RRM2: variants seen among roughly 807,000 people sequenced by gnomAD.
RRM2 encodes the protein ribonucleoside-diphosphate reductase subunit M2.
RRM2 carries 6 observed loss-of-function variants against 45.9 expected under a neutral mutation model. The ratio of observed to expected loss-of-function variants is 0.13; its 90% CI spans 0.07 to 0.26. The LOEUF (loss-of-function observed/expected upper bound fraction) is 0.26. Among genes scored for constraint, RRM2 ranks in the 10% least tolerant of loss-of-function variants. The probability of loss-of-function intolerance (pLI) is 1.00; values close to 1 mark genes in which losing one functional copy is unlikely to be tolerated. For missense variants in RRM2, 343 were observed against 489.5 expected (o/e 0.70, Z 2.82); for synonymous variants, 177 against 173.0 (o/e 1.02, Z -0.18).
In RRM2 at chr2:10,187,392, A is replaced by G. The variant is rs376939881; in HGVS notation, n.483-22919A>G. 3.9e-5 allele frequency among the ~76,000 whole-genome samples: 6 copies of G among 152,320 alleles called. No individual in the cohort carries two copies. The South Asian group carries it at 1.0e-3, about 26-fold the overall frequency. ...GGGAGCTGCATCAGGTGATGGTAAG[A>G]TACTACAGCCATTCTCCAACTGCAG... On this transcript the variant is annotated intron_variant and non_coding_transcript_variant, in intron 3 of 3. Transcript: ENST00000381786.
At position 10,129,248 on chromosome 2, in the gene RRM2, G is replaced by A. The variant is rs750203926; in HGVS notation, c.1032G>A (p.Glu344=). ...AACCTTTTCAGGTTTTCAGAGTAGA[G>A]AACCCATTTGACTTTATGGAGAATA... ...ELGFSKVFRV[E]NPFDFMENIS... is the part of the protein sequence containing the mutation. Residue 344 remains glutamate (E), a synonymous_variant, in exon 10 of 10, where the codon GAG becomes GAA. Transcript: ENST00000304567. The surrounding 1 kb of genome is among the most constrained non-coding windows in gnomAD (Gnocchi z 4.8). 1.9e-6 allele frequency: 3 copies of A among 1,613,944 alleles called. No individual in the cohort carries two copies. Among genetic ancestry groups the A allele is most frequent in the Non-Finnish European group, 2.5e-6 (3 of 1,179,968 alleles).
upstream of RRM2, among the ~76,000 whole-genome samples, chr2:10,137,235 A>T (rs1663003402): frequency 6.6e-6 from 1 of 152,192 alleles, no homozygotes; most frequent in African/African-American, 2.4e-5. Flanking sequence ...CACAAAGACC[A>T]GTGGGTGACC....
rs57947152 is a variant in RRM2, at chr2:10,184,739, A to G, written n.483-25572A>G. 7.7e-3 allele frequency among the ~76,000 whole-genome samples: 1,172 copies of G among 152,340 alleles called. 18 individuals are homozygous for G. Among genetic ancestry groups the G allele is most frequent in the African/African-American group, 0.027 (1,104 of 41,578 alleles). ...GCCCAGAATGGCCCTGAATCCAGTAACACCAACTGTCCCTGGAAGTGTCAC... is the reference window on the plus strand; with the variant it reads ...GCCCAGAATGGCCCTGAATCCAGTAGCACCAACTGTCCCTGGAAGTGTCAC... On this transcript the variant is annotated intron_variant and non_coding_transcript_variant, in intron 3 of 3. Coordinates refer to the RRM2 transcript ENST00000381786.
Position 10,127,291 on chromosome 2 carries a change from A to C in RRM2, c.798+71A>C. ...CTCGGGCATGCTCTTGTGTTCACTG[A>C]CGGGGACCTGAGATGCTAGATGGCA... On this transcript the variant is annotated intron_variant, in intron 7 of 9. Transcript: ENST00000304567. This position sits in a 1 kb window ranked among gnomAD's most constrained non-coding sequence, Gnocchi z 4.1. 1 of 1,517,580 alleles carries C rather than the reference A, an allele frequency of 6.6e-7. No individual in the cohort carries two copies. Among genetic ancestry groups the C allele is most frequent in the South Asian group, 1.1e-5 (1 of 87,178 alleles). The allele number at this position is 1,517,580 out of a possible 1,614,324, so 94.0% of individuals were successfully genotyped here.
intron 3 of RRM2, among the ~76,000 whole-genome samples, chr2:10,180,229 C>T (rs750915676): frequency 7.2e-5 from 11 of 152,336 alleles, no homozygotes; most frequent in East Asian, 3.9e-4. Flanking sequence ...AGAACCTCTT[C>T]GTCCTGGGGG....
intron 3 of RRM2, among the ~76,000 whole-genome samples, chr2:10,166,946 A>T (rs964982857): frequency 4.6e-5 from 7 of 152,372 alleles, no homozygotes; most frequent in African/African-American, 1.7e-4. Flanking sequence ...GTGTGTCTGT[A>T]CGTGCCACTT....
chr2:10,131,871 TACTA>T (rs1314177368), downstream of RRM2, among the ~76,000 whole-genome samples: 1 of 152,184 alleles, frequency 6.6e-6, no homozygotes, highest in African/African-American at 2.4e-5. Context: ...TGCCCAAAAA[TACTA>T]ACTGCCATAC....
intron 2 of RRM2, chr2:10,142,118 C>T (rs1359375210): frequency 2.9e-5 from 46 of 1,565,612 alleles, no homozygotes; most frequent in Non-Finnish European, 3.9e-5. Context: ...GGTGGGCAAG[C>T]GCAAAGGCCC....
rs946988454 is a variant in RRM2 at position 10,209,945 on chromosome 2, A to C, written n.483-366A>C. Among the ~76,000 whole-genome samples the C allele has an allele frequency of 5.3e-5, 8 of 152,302 alleles. No homozygotes were observed. The East Asian group carries it at 9.7e-4, about 18-fold the overall frequency. On this transcript the variant is annotated intron_variant and non_coding_transcript_variant, in intron 3 of 3. Coordinates refer to the RRM2 transcript ENST00000381786. ...TCTGTGCCACTCGGCTCTGCTGGGC[A>C]GGTGGGATAAATCTGCCCCAGCCTC...
intron 3 of RRM2, among the ~76,000 whole-genome samples, chr2:10,186,070 T>C (rs1427840598): frequency 6.6e-6 from 1 of 152,230 alleles, no homozygotes; most frequent in East Asian, 1.9e-4. Flanking sequence ...CCATTATGGA[T>C]CACTGTAAAC....
intron 3 of RRM2, among the ~76,000 whole-genome samples, chr2:10,209,152 G>A (rs933321304): frequency 3.0e-4 from 45 of 151,412 alleles, no homozygotes; most frequent in Admixed American, 1.3e-4. Flanking sequence ...CTGCCTCCTG[G>A]GTTCAAGCAA....
chr2:10,198,128 G>A lies in RRM2; in HGVS notation n.483-12183G>A, dbSNP rs372272620. The stretch of plus-strand genomic sequence containing the variant: ...GCCCTGCCTCTCCCCTGTATGTACC[G>A]CATACATCCCTTTCGGGGCTATGCA... On this transcript the variant is annotated intron_variant and non_coding_transcript_variant, in intron 3 of 3. Coordinates refer to the RRM2 transcript ENST00000381786. 4.0e-4 allele frequency among the ~76,000 whole-genome samples: 61 copies of A among 152,278 alleles called. 1 individual carries two copies. The South Asian group carries it at 0.01, about 26-fold the overall frequency.
chr2:10,138,576 C>T, upstream of RRM2, among the ~76,000 whole-genome samples: 1 of 151,926 alleles, frequency 6.6e-6, no homozygotes, highest in Non-Finnish European at 1.5e-5. Context: ...GTTGGGATTA[C>T]AGGTGTGAGC....
At position 10,141,947 on chromosome 2, in the gene RRM2, A is replaced by AGT. The variant is rs527506554; in HGVS notation, n.358_359dup. On this transcript the variant is annotated non_coding_transcript_exon_variant, in exon 2 of 4. Transcript: ENST00000381786. ...GGAGATGGAGACCAATCACCCACCCAGTGTGCGGTAAGTCAGACGGTGACA... is the reference window on the plus strand; with the variant it reads ...GGAGATGGAGACCAATCACCCACCCAGTGTGTGCGGTAAGTCAGACGGTGACA... 41 of 1,575,614 alleles carry AGT rather than the reference A, an allele frequency of 2.6e-5. No homozygotes were observed. In the South Asian group the frequency reaches 4.2e-4, roughly 16 times the overall value.
exon 1 of RRM2, chr2:10,141,538 C>T: frequency 2.6e-6 from 1 of 381,420 alleles, no homozygotes; most frequent in Non-Finnish European, 4.9e-6. Flanking sequence ...TGGTGGTGGA[C>T]AGTGGCTATT....
intron 3 of RRM2, among the ~76,000 whole-genome samples, chr2:10,146,339 C>G (rs6749325): frequency 6.6e-6 from 1 of 152,064 alleles, no homozygotes; most frequent in Admixed American, 6.5e-5. Context: ...TGGAAAGACA[C>G]GAACTGATTC....
chr2:10,209,818 G>A (rs537973841), intron 3 of RRM2, among the ~76,000 whole-genome samples: 5 of 152,326 alleles, frequency 3.3e-5, no homozygotes, highest in African/African-American at 7.2e-5. Context: ...TGCTCACAGC[G>A]TAGCTGAGAG....
chr2:10,134,701 T>C (rs1391705737), downstream of RRM2, among the ~76,000 whole-genome samples: 3 of 152,232 alleles, frequency 2.0e-5, no homozygotes, highest in Non-Finnish European at 4.4e-5. Flanking sequence ...ACAGCATAAC[T>C]ACTAGAGTTC....
chr2:10,188,619 G>A (rs1021775007), intron 3 of RRM2, among the ~76,000 whole-genome samples: 1 of 151,958 alleles, frequency 6.6e-6, no homozygotes, highest in Non-Finnish European at 1.5e-5. Context: ...AGTTTCCTTG[G>A]GCCTCTCAGC....
Sources: allele counts gnomAD v4.1 joint callset (sites outside exome capture counted in the v4.1 genomes callset), GRCh38; gene constraint gnomAD v4.1.1; non-coding constraint Gnocchi (gnomAD v3.1); transcripts MANE v1.5; gene names NCBI Gene and HGNC (gene_info 2026-07-23, HGNC 2026-07-21).